Variants in DCAF12 observed in about 807,000 individuals in gnomAD.
DCAF12 encodes the protein DDB1- and CUL4-associated factor 12.
DCAF12 carries 28 observed loss-of-function variants against 52.8 expected under a neutral mutation model. The observed-to-expected ratio is 0.53, with a 90% CI of 0.39 to 0.73. The LOEUF is 0.73. Among genes scored for constraint, DCAF12 ranks in the 30% least tolerant of loss-of-function variants. The probability of loss-of-function intolerance (pLI) is 0.00; values close to 1 mark genes in which losing one functional copy is unlikely to be tolerated. For synonymous variants in DCAF12, 196 were observed against 215.5 expected (o/e 0.91, Z 0.79); for missense variants, 425 against 552.2 (o/e 0.77, Z 2.31).
intron 6 of DCAF12, among the ~76,000 whole-genome samples, chr9:34,096,511 C>T (rs1337048536): frequency 6.6e-6 from 1 of 152,072 alleles, no homozygotes; most frequent in Non-Finnish European, 1.5e-5. Flanking sequence ...GGCTGAGGCA[C>T]AAGAACTGGT....
At chr9:34,099,408 T>A (rs532588614) in intron 4 of DCAF12, among the ~76,000 whole-genome samples, 2 of 151,668 alleles carry the variant, frequency 1.3e-5, no homozygotes, top group Admixed American at 6.6e-5. Context: ...ATTTTTGTAT[T>A]TTTAGTAGAG....
intron 2 of DCAF12, among the ~76,000 whole-genome samples, chr9:34,115,060 G>A (rs1164987254): frequency 1.3e-5 from 2 of 152,104 alleles, no homozygotes; most frequent in Non-Finnish European, 2.9e-5. Flanking sequence ...AGCCCAATGA[G>A]AAAGGAAAGT....
At chr9:34,121,156 A>AAAAC (rs964427180) in intron 2 of DCAF12, among the ~76,000 whole-genome samples, 1 of 152,182 alleles carries the variant, frequency 6.6e-6, no homozygotes, top group African/African-American at 2.4e-5. Flanking sequence ...TCCATCTCAA[A>AAAAC]AAACAAACAA....
chr9:34,096,344 C>T, intron 6 of DCAF12: 1 of 198,694 alleles, frequency 5.0e-6, no homozygotes, highest in Non-Finnish European at 1.0e-5. Flanking sequence ...CATGACTGCA[C>T]TCCAACTTGG....
At chr9:34,124,920 C>A in intron 2 of DCAF12, 103 bp downstream of exon 2, 1 of 1,435,394 alleles carries the variant, frequency 7.0e-7, no homozygotes, top group Non-Finnish European at 9.5e-7. Context: ...TAAGGCAAGT[C>A]CCTCCTAAAA....
chr9:34,089,619 A>G (rs374130168), intron 7 of DCAF12, 29 bp from the exon 8 acceptor site: 28 of 1,568,054 alleles, frequency 1.8e-5, no homozygotes, highest in East Asian at 9.1e-5. Context: ...AAAGGCAGTG[A>G]GGCGGGAGAG....
chr9:34,102,062 GT>G (rs1828837792), intron 4 of DCAF12, among the ~76,000 whole-genome samples: 1 of 150,978 alleles, frequency 6.6e-6, no homozygotes. Context: ...GCTGGGTACA[GT>G]GGTATATGCC....
At chr9:34,105,754 CCT>C (rs1491453253) in intron 4 of DCAF12, among the ~76,000 whole-genome samples, 2 of 130,212 alleles carry the variant, frequency 1.5e-5, no homozygotes, top group Non-Finnish European at 1.7e-5. Context: ...ATCTATCCAT[CCT>C]TTTTTTTTTT....
intron 2 of DCAF12, among the ~76,000 whole-genome samples, chr9:34,113,470 G>A (rs1354553655): frequency 2.6e-5 from 4 of 151,914 alleles, no homozygotes; most frequent in South Asian, 2.1e-4. Flanking sequence ...CTCCCAAGTC[G>A]CTGGGATGGC....
intron 5 of DCAF12, 81 bp downstream of exon 5, chr9:34,098,243 G>C (rs566010029): frequency 1.4e-6 from 2 of 1,435,420 alleles, no homozygotes; most frequent in South Asian, 2.6e-5. Context: ...AGCAAGCACT[G>C]ATGGGGAAGG....
intron 4 of DCAF12, among the ~76,000 whole-genome samples, chr9:34,103,509 A>C (rs1367440809): frequency 1.3e-5 from 2 of 152,172 alleles, no homozygotes; most frequent in African/African-American, 4.8e-5. Context: ...CGGAACACTC[A>C]GTATGTTCAA....
chr9:34,114,748 T>G (rs1002476833), intron 2 of DCAF12, among the ~76,000 whole-genome samples: 22 of 152,132 alleles, frequency 1.4e-4, no homozygotes. Flanking sequence ...AGTCTATCTC[T>G]GCATGCATTC....
At chr9:34,092,529 T>C (rs980664303) in intron 7 of DCAF12, among the ~76,000 whole-genome samples, 2 of 151,926 alleles carry the variant, frequency 1.3e-5, no homozygotes, top group Non-Finnish European at 2.9e-5. Flanking sequence ...CTACTAAAAA[T>C]ACAAAAATTA....
In DCAF12 at chr9:34,093,249, G is replaced by A. The variant is rs561298441; in HGVS notation, c.1024+37C>T. On this transcript the variant is annotated intron_variant, in intron 7 of 8. Transcript: ENST00000361264. ...CTGAAAGTCAGAACCCATATGCAGT[G>A]CAGCTGTAGGCCTGAGGTGCACACA... The A allele has an allele frequency of 5.1e-5, 83 of 1,612,530 alleles. 1 individual carries two copies. In the South Asian group the frequency reaches 8.6e-4, roughly 17 times the overall value.
intron 4 of DCAF12, among the ~76,000 whole-genome samples, chr9:34,098,959 G>A (rs978679710): frequency 2.6e-5 from 4 of 151,238 alleles, no homozygotes; most frequent in Admixed American, 1.3e-4. Context: ...TAGTAGAGAC[G>A]GGGTTTTACC....
chr9:34,098,125 A>G (rs1231204444), intron 5 of DCAF12, among the ~76,000 whole-genome samples, 199 bp downstream of exon 5: 1 of 152,146 alleles, frequency 6.6e-6, no homozygotes, highest in Non-Finnish European at 1.5e-5. Context: ...TCAGAGAAAT[A>G]CTGCAGACAC....
At position 34,098,552 on chromosome 9, in the gene DCAF12, C is replaced by A. The variant is rs187046711; in HGVS notation, c.602-35G>T. 1.7e-3 allele frequency: 2,743 copies of A among 1,589,788 alleles called. 5 individuals carry two copies. The highest frequency in any genetic ancestry group is 2.2e-3 in the Non-Finnish European group (2,516 of 1,166,068). ...CAGGAGAACACAGATGTCAGATGTA[C>A]CCACCCCTCTATGGGAAATCCCACA... On this transcript the variant is annotated intron_variant, in intron 4 of 8. Transcript: ENST00000361264.
At chr9:34,092,890 G>C (rs1828667907) in intron 7 of DCAF12, among the ~76,000 whole-genome samples, 2 of 152,052 alleles carry the variant, frequency 1.3e-5, no homozygotes, top group African/African-American at 4.8e-5. Flanking sequence ...TCATTGCCCA[G>C]GCTGGAGTGC....
chr9:34,100,726 C>G (rs1199654990), intron 4 of DCAF12, among the ~76,000 whole-genome samples: 1 of 151,350 alleles, frequency 6.6e-6, no homozygotes, highest in Admixed American at 6.6e-5. Context: ...TCTTAAACAC[C>G]TGGGCTCAAG....
Sources: gnomAD v4.1 joint callset for allele counts (sites outside exome capture counted in the v4.1 genomes callset) on GRCh38, gnomAD v4.1.1 for gene constraint, MANE v1.5 for transcripts, NCBI Gene and HGNC (gene_info 2026-07-23, HGNC 2026-07-21) for gene names.